The following ZNF587B variants were observed in gnomAD, a reference collection of about 807,000 sequenced individuals.
ZNF587B encodes zinc finger protein 587B.
ZNF587B carries 6 observed loss-of-function variants against 7.2 expected under a neutral mutation model. The observed-to-expected ratio is 0.83, with a 90% confidence interval of 0.46 to 1.65. ZNF587B has a LOEUF of 1.65. ZNF587B is among the 40% of genes most tolerant of loss of function. ZNF587B has a pLI of 0.01. For synonymous variants in ZNF587B, 274 were observed against 254.3 expected (o/e 1.08, Z -0.74); for missense variants, 749 against 761.0 (o/e 0.98, Z 0.19).
chr19:57,841,604 A>G lies in ZNF587B; in HGVS notation c.930A>G (p.Glu310=). 1 of 1,580,418 alleles carries G rather than the reference A, an allele frequency of 6.3e-7. No individual in the cohort carries two copies. The highest frequency in any genetic ancestry group is 2.3e-5 in the East Asian group (1 of 43,092). The change falls in exon 3 of 3, where the codon GAA becomes GAG. Residue 310 remains glutamate, a synonymous_variant. Transcript: ENST00000594901. ...CEECGKYFSL[E]GYLRRHQKVH... is the part of the protein sequence containing the mutation. ...AATGTGGGAAATATTTTAGCTTAGAAGGATATCTTAGGCGCCATCAAAAAG... is the reference window on the plus strand; with the variant it reads ...AATGTGGGAAATATTTTAGCTTAGAGGGATATCTTAGGCGCCATCAAAAAG...
chr19:57,837,445 T>G (rs1308700491), intron 1 of ZNF587B, among the ~76,000 whole-genome samples: 1 of 151,328 alleles, frequency 6.6e-6, no homozygotes, highest in East Asian at 1.9e-4. Context: ...TTTTGTTTTT[T>G]TTTTTTGGTT....
rs1187165449 is a variant in ZNF587B, at chr19:57,841,484, T to C, written c.810T>C (p.Tyr270=). The C allele has an allele frequency of 4.4e-6, 7 of 1,586,120 alleles. No individual in the cohort carries two copies. The African/African-American group carries it at 6.8e-5, about 15-fold the overall frequency. The change falls in exon 3 of 3, where the codon TAT becomes TAC. Residue 270 remains tyrosine (Y), a synonymous_variant. Coordinates refer to ENST00000594901, the MANE Select transcript of ZNF587B (RefSeq NM_001376223.1). ...HQRVHSGKRP[Y]ECGECEKSFS... is the part of the protein sequence containing the mutation. ...GAGTTCACAGTGGAAAAAGACCTTA[T>C]GAATGTGGAGAATGTGAGAAATCTT... is the stretch of plus-strand genomic sequence containing the variant.
chr19:57,843,807 G>C lies in ZNF587B; in HGVS notation c.*1231G>C, dbSNP rs1350769235. Among the ~76,000 whole-genome samples the C allele has an allele frequency of 6.6e-6, 1 of 151,704 alleles. No individual in the cohort carries two copies. Among genetic ancestry groups the C allele is most frequent in the South Asian group, 2.1e-4 (1 of 4,820 alleles). On this transcript the variant is annotated 3_prime_UTR_variant, in exon 3 of 3. Coordinates refer to ENST00000594901, the MANE Select transcript of ZNF587B (RefSeq NM_001376223.1). ...AGTAGAGATGGGGTTTCACTATGTT[G>C]GTCAAACTGATCTTGAACTCCTAAC...
Position 57,845,737 on chromosome 19 carries a change from A to C in ZNF587B, c.*3161A>C, listed in dbSNP as rs2122272210. ...AAAAGCTGTAATAAGGTATAGGCTG[A>C]GCATCATGGCTCATGCCTGTATTCC... On this transcript the variant is annotated 3_prime_UTR_variant, in exon 3 of 3. Coordinates refer to ENST00000594901, the MANE Select transcript of ZNF587B (RefSeq NM_001376223.1). 1 of 152,342 alleles carries C rather than the reference A, an allele frequency of 6.6e-6. No homozygotes were observed. Among genetic ancestry groups the C allele is most frequent in the Non-Finnish European group, 1.5e-5 (1 of 68,036 alleles). The allele number at this position is 152,342 out of a possible 1,614,324, so 9.4% of individuals were successfully genotyped here.
chr19:57,830,338 G>C lies in ZNF587B; in HGVS notation c.-191G>C. On this transcript the variant is annotated 5_prime_UTR_variant, in exon 1 of 3. Coordinates refer to ENST00000594901, the MANE Select transcript of ZNF587B (RefSeq NM_001376223.1). ...TTATTTGTCGGAGAGGCTCCTGAGC[G>C]CTAGGTCGGCACTGCGGTGACTGAA... 1.8e-6 allele frequency: 1 copy of C among 568,226 alleles called. No individual in the cohort carries two copies. The highest frequency in any genetic ancestry group is 3.1e-6 in the Non-Finnish European group (1 of 322,994). The allele number at this position is 568,226 out of a possible 1,614,324, so 35.2% of individuals were successfully genotyped here.
chr19:57,841,907 G>A lies in ZNF587B; in HGVS notation c.1233G>A (p.Lys411=), dbSNP rs1263275661. 6.2e-7 allele frequency: 1 copy of A among 1,613,898 alleles called. No individual in the cohort carries two copies. Among genetic ancestry groups the A allele is most frequent in the Non-Finnish European group, 8.5e-7 (1 of 1,179,938 alleles). Residue 411 remains lysine (K), a synonymous_variant, in exon 3 of 3, where the codon AAG becomes AAA. Transcript: ENST00000594901. ...TGCACACTGGAGAAAGACCTTACAA[G>A]TGTGGAGACTGTGGGAAATCTTTTA... The part of the protein sequence containing the change: ...QRMHTGERPY[K]CGDCGKSFNE...
At chr19:57,836,941 T>G in intron 1 of ZNF587B, among the ~76,000 whole-genome samples, 1 of 126,322 alleles carries the variant, frequency 7.9e-6, no homozygotes, top group Non-Finnish European at 1.6e-5. Context: ...CCAGCCTGGG[T>G]GACAGTGAGA....
chr19:57,839,043 C>G lies in ZNF587B; in HGVS notation c.57C>G (p.Asp19Glu). 6.2e-7 allele frequency: 1 copy of G among 1,614,020 alleles called. No homozygotes were observed. The highest frequency in any genetic ancestry group is 8.5e-7 in the Non-Finnish European group (1 of 1,179,970). ...AACAGGGCACAGTGACTTTTGAAGA[C>G]GTGGCTGTGAAATTTACCCAGGAGG... is the stretch of plus-strand genomic sequence containing the variant. Reference protein sequence around the residue: ...LSAQGTVTFEDVAVKFTQEEW... With the variant: ...LSAQGTVTFEEVAVKFTQEEW... Residue 19 changes from aspartate to glutamate, a missense_variant, in exon 2 of 3, where the codon GAC becomes GAG. This residue lies in a region of ZNF587B where 72 missense variants were observed against 147.8 expected (regional missense o/e 0.49). Coordinates refer to ENST00000594901, the MANE Select transcript of ZNF587B (RefSeq NM_001376223.1).
In ZNF587B at chr19:57,841,792, A is replaced by G. The variant is rs779914745; in HGVS notation, c.1118A>G (p.Gln373Arg). The change falls in exon 3 of 3, where the codon CAG becomes CGG. Residue 373 changes from glutamine to arginine, a missense_variant. Physicochemically the swap from Gln to Arg is conservative, Grantham distance 43. This residue lies in a region of ZNF587B where 656 missense variants were observed against 596.5 expected (regional missense o/e 1.10). Transcript: ENST00000594901. ...FSRKPSLSYHQRIHTEVRPYK... is the reference protein window; with the variant it reads ...FSRKPSLSYHRRIHTEVRPYK... ...CGGAAGCCCAGCCTTAGTTACCATC[A>G]GCGCATTCACACTGAAGTAAGACCT... The G allele has an allele frequency of 3.4e-5, 55 of 1,610,786 alleles. 1 individual carries two copies. The Admixed American group carries it at 8.7e-4, about 26-fold the overall frequency.
Position 57,830,340 on chromosome 19 carries a change from T to C in ZNF587B, c.-189T>C. The C allele has an allele frequency of 1.7e-6, 1 of 574,202 alleles. No homozygotes were observed. The highest frequency in any genetic ancestry group is 3.1e-6 in the Non-Finnish European group (1 of 327,468). The allele number at this position is 574,202 out of a possible 1,614,324, so 35.6% of individuals were successfully genotyped here. A position where few individuals can be genotyped will look rare whatever the true frequency, so the allele number is the denominator to read the frequency against. On this transcript the variant is annotated 5_prime_UTR_variant, in exon 1 of 3. Transcript: ENST00000594901. ...ATTTGTCGGAGAGGCTCCTGAGCGC[T>C]AGGTCGGCACTGCGGTGACTGAACC...
intron 1 of ZNF587B, among the ~76,000 whole-genome samples, chr19:57,837,877 G>A (rs929564142): frequency 2.0e-5 from 3 of 151,904 alleles, no homozygotes; most frequent in African/African-American, 4.8e-5. Flanking sequence ...GAGCCACCAC[G>A]CCTGGCTCAA....
In ZNF587B at chr19:57,841,736, C is replaced by A. The variant is rs1383590919; in HGVS notation, c.1062C>A (p.Tyr354Ter). 5 of 1,608,138 alleles carry A rather than the reference C, an allele frequency of 3.1e-6. No individual in the cohort carries two copies. The highest frequency in any genetic ancestry group is 1.7e-5 in the Admixed American group (1 of 59,004). The change falls in exon 3 of 3, where the codon TAC becomes TAA. Residue 354 changes from tyrosine (Y) to a stop codon, truncating the protein, a stop_gained. Transcript: ENST00000594901. LOFTEE classifies it low-confidence loss of function (END_TRUNC). ...HQRIHTGERPYKCGECEKSFS... is the reference protein window; with the variant it reads ...HQRIHTGERP ...GCATTCACACTGGAGAGAGACCTTA[C>A]AAGTGTGGAGAATGTGAGAAATCTT... is the stretch of plus-strand genomic sequence containing the variant.
At position 57,842,865 on chromosome 19, in the gene ZNF587B, C is replaced by G; in HGVS notation, c.*289C>G. The G allele has an allele frequency of 3.0e-6, 3 of 985,434 alleles. No homozygotes were observed. The highest frequency in any genetic ancestry group is 3.6e-6 in the Non-Finnish European group (3 of 829,942). The allele number at this position is 985,434 out of a possible 1,614,324, so 61.0% of individuals were successfully genotyped here. ...TCTGGCTTCAAAACTCACAGGAGAG[C>G]TGTCACTACGGAAATGCCTTTTGAA... On this transcript the variant is annotated 3_prime_UTR_variant, in exon 3 of 3. Coordinates refer to ENST00000594901, the MANE Select transcript of ZNF587B (RefSeq NM_001376223.1).
chr19:57,839,861 A>T (rs751341759), intron 2 of ZNF587B, among the ~76,000 whole-genome samples: 5 of 152,096 alleles, frequency 3.3e-5, no homozygotes, highest in Non-Finnish European at 7.4e-5. Flanking sequence ...CAGGTGGATC[A>T]TAAGGTCAGG....
rs1386175498 is a variant in ZNF587B, at chr19:57,842,130, AG to A, written c.1457del (p.Arg486LysfsTer153). 5 of 1,611,432 alleles carry A rather than the reference AG, an allele frequency of 3.1e-6. No individual in the cohort carries two copies. The Admixed American group carries it at 8.4e-5, about 27-fold the overall frequency. On this transcript the variant is annotated frameshift_variant, in exon 3 of 3. Coordinates refer to ENST00000594901, the MANE Select transcript of ZNF587B (RefSeq NM_001376223.1). LOFTEE classifies it low-confidence loss of function (END_TRUNC). ...KKKSHLLVHQ[R>X]IHSGEKPYAC... ...GAAGTCTCACCTCCTTGTACACCAG[AG>A]AATTCACAGTGGAGAGAAGCCATAT...
chr19:57,841,789 A>G lies in ZNF587B; in HGVS notation c.1115A>G (p.His372Arg), dbSNP rs1444416744. 3.1e-6 allele frequency: 5 copies of G among 1,610,860 alleles called. No individual in the cohort carries two copies. The highest frequency in any genetic ancestry group is 1.7e-5 in the Admixed American group (1 of 59,650). ...AGTCGGAAGCCCAGCCTTAGTTACC[A>G]TCAGCGCATTCACACTGAAGTAAGA... ...SFSRKPSLSY[H>R]QRIHTEVRPY... The change falls in exon 3 of 3, where the codon CAT becomes CGT. Residue 372 changes from histidine (H) to arginine (R), a missense_variant. This residue lies in a region of ZNF587B where 656 missense variants were observed against 596.5 expected (regional missense o/e 1.10). Coordinates refer to ENST00000594901, the MANE Select transcript of ZNF587B (RefSeq NM_001376223.1).
At position 57,841,876 on chromosome 19, in the gene ZNF587B, A is replaced by T; in HGVS notation, c.1202A>T (p.Gln401Leu). 6.2e-7 allele frequency: 1 copy of T among 1,613,542 alleles called. No homozygotes were observed. Among genetic ancestry groups the T allele is most frequent in the Non-Finnish European group, 8.5e-7 (1 of 1,179,840 alleles). ...YISKGHLRIH[Q>L]RMHTGERPYK... ...TCAAAGGGGCACCTTAGGATCCATC[A>T]GCGCATGCACACTGGAGAAAGACCT... The change falls in exon 3 of 3, where the codon CAG becomes CTG. Residue 401 changes from glutamine (Q) to leucine (L), a missense_variant. This residue lies in a region of ZNF587B where 656 missense variants were observed against 596.5 expected (regional missense o/e 1.10). Coordinates refer to ENST00000594901, the MANE Select transcript of ZNF587B (RefSeq NM_001376223.1).
intron 1 of ZNF587B, among the ~76,000 whole-genome samples, chr19:57,838,274 C>G (rs1277362882): frequency 6.7e-6 from 1 of 149,810 alleles, no homozygotes; most frequent in Non-Finnish European, 1.5e-5. Flanking sequence ...CGTGTCATTG[C>G]ACTCCGTCTC....
intron 2 of ZNF587B, 149 bp from the exon 3 acceptor site, chr19:57,840,689 C>A: frequency 1.3e-6 from 2 of 1,527,916 alleles, no homozygotes; most frequent in South Asian, 2.4e-5. Flanking sequence ...AGTAATAATA[C>A]ATAGCACCAT....
Sources: gnomAD v4.1 joint callset for allele counts (sites outside exome capture counted in the v4.1 genomes callset) on GRCh38, gnomAD v4.1.1 for gene constraint, gnomAD v4.1.1 regional missense constraint, MANE v1.5 for transcripts, NCBI Gene and HGNC (gene_info 2026-07-23, HGNC 2026-07-21) for gene names.